UGCG: variants seen among roughly 807,000 people sequenced by gnomAD.
UGCG encodes ceramide glucosyltransferase.
A neutral mutation model predicts 49.5 loss-of-function variants in UGCG; 10 were observed. The ratio of observed to expected loss-of-function variants is 0.20; its 90% CI spans 0.12 to 0.34. The LOEUF is 0.34. Among genes scored for constraint, UGCG ranks in the 10% least tolerant of loss-of-function variants. The pLI, the probability that UGCG is intolerant of heterozygous loss-of-function variation, is 1.00. For synonymous variants in UGCG, 182 were observed against 158.2 expected (o/e 1.15, Z -1.13); for missense variants, 312 against 483.7 (o/e 0.65, Z 3.33).
chr9:111,922,886 C>T lies in UGCG; in HGVS notation c.278C>T (p.Pro93Leu). 1 of 1,612,664 alleles carries T rather than the reference C, an allele frequency of 6.2e-7. No homozygotes were observed. Among genetic ancestry groups the T allele is most frequent in the Non-Finnish European group, 8.5e-7 (1 of 1,179,442 alleles). The change falls in exon 3 of 9, where the codon CCA (proline) becomes CTA (leucine). Residue 93 changes from proline to leucine, a missense_variant. Around this residue, in one of 4 missense-constraint regions of UGCG, gnomAD observed 64 missense variants for 67.6 expected, o/e 0.95. Transcript: ENST00000374279. The stretch of plus-strand genomic sequence containing the variant: ...CTTTGTGTACAAGATCATGATGATC[C>T]AGCCATTGATGTATGTAAGAAGCTT... ...VLLCVQDHDD[P>L]AIDVCKKLLG...
At chr9:111,929,045 C>A (rs1447773580) in intron 5 of UGCG, among the ~76,000 whole-genome samples, 3 of 123,046 alleles carry the variant, frequency 2.4e-5, no homozygotes, top group African/African-American at 6.0e-5. Flanking sequence ...TGTGTCCCCT[C>A]CCCACCCCCC....
rs1322789733 is a variant in UGCG, at chr9:111,897,238, T to C, written c.23T>C (p.Leu8Ser). 3 of 1,552,012 alleles carry C rather than the reference T, an allele frequency of 1.9e-6. No homozygotes were observed. The highest frequency in any genetic ancestry group is 1.9e-5 in the Admixed American group (1 of 51,374). MALLDLA[L>S]EGMAVFGFVL... ...GGGATGGCGCTGCTGGACCTGGCCTTGGAGGGAATGGCCGTCTTCGGGTTC... is the reference window on the plus strand; with the variant it reads ...GGGATGGCGCTGCTGGACCTGGCCTCGGAGGGAATGGCCGTCTTCGGGTTC... Residue 8 changes from leucine to serine, a missense_variant, in exon 1 of 9, where the codon TTG becomes TCG. Leu to Ser is a moderately radical substitution (Grantham distance 145). This residue lies in a region of UGCG where 65 missense variants were observed against 74.7 expected (regional missense o/e 0.87). Transcript: ENST00000374279.
intron 2 of UGCG, among the ~76,000 whole-genome samples, chr9:111,920,911 T>G (rs1564202945): frequency 6.8e-6 from 1 of 148,106 alleles, no homozygotes; most frequent in Admixed American, 6.7e-5. Context: ...CGTCGTTTTG[T>G]TTTTTTTTTG....
chr9:111,924,418 G>GAGAA (rs1221823875), intron 3 of UGCG, among the ~76,000 whole-genome samples: 1 of 152,088 alleles, frequency 6.6e-6, no homozygotes, highest in Non-Finnish European at 1.5e-5. Context: ...TACTTTATTT[G>GAGAA]TGGTGAGAAA....
intron 2 of UGCG, among the ~76,000 whole-genome samples, chr9:111,922,227 C>G (rs1838240404): frequency 1.3e-5 from 2 of 152,126 alleles, no homozygotes; most frequent in African/African-American, 2.4e-5. Flanking sequence ...TTCATAGTTA[C>G]AAGGCTAAGC....
At chr9:111,932,133 G>A (rs750891336) in intron 7 of UGCG, 37 bp from the exon 8 acceptor site, 1 of 1,592,742 alleles carries the variant, frequency 6.3e-7, no homozygotes, top group Admixed American at 1.7e-5. Context: ...TTGTAGCCAG[G>A]ATATTGTTTT....
At chr9:111,912,446 G>A (rs548950967) in intron 1 of UGCG, among the ~76,000 whole-genome samples, 1 of 152,158 alleles carries the variant, frequency 6.6e-6, no homozygotes, top group Non-Finnish European at 1.5e-5. Context: ...GGGCATGGTG[G>A]TGCATGCCTG....
At chr9:111,916,965 T>A (rs1296744256) in intron 2 of UGCG, among the ~76,000 whole-genome samples, 1 of 151,452 alleles carries the variant, frequency 6.6e-6, no homozygotes, top group Non-Finnish European at 1.5e-5. Context: ...GGCAACACAG[T>A]GAGACCCCCA....
chr9:111,907,401 A>G, intron 1 of UGCG, among the ~76,000 whole-genome samples: 1 of 152,228 alleles, frequency 6.6e-6, no homozygotes, highest in Non-Finnish European at 1.5e-5. Flanking sequence ...TGCATATTCC[A>G]GAAACCAAGA....
chr9:111,897,008 G>A lies in UGCG; in HGVS notation c.-208G>A. On this transcript the variant is annotated 5_prime_UTR_variant, in exon 1 of 9. Coordinates refer to ENST00000374279, the MANE Select transcript of UGCG (RefSeq NM_003358.3). Reference sequence around the variant, plus strand: ...ACCCGCAGCCGCCCGCGAGCGCGCCGAAGACAGCGCGCAGGCGAGAGCGCG... The same window carrying A: ...ACCCGCAGCCGCCCGCGAGCGCGCCAAAGACAGCGCGCAGGCGAGAGCGCG... 3.7e-6 allele frequency: 1 copy of A among 272,730 alleles called. No homozygotes were observed. The highest frequency in any genetic ancestry group is 6.5e-6 in the Non-Finnish European group (1 of 152,778). 16.9% of individuals were successfully genotyped at this position (272,730 alleles called of 1,614,324 possible).
At position 111,933,165 on chromosome 9, in the gene UGCG, A is replaced by C. The variant is rs1161160187; in HGVS notation, c.*168A>C. On this transcript the variant is annotated 3_prime_UTR_variant, in exon 9 of 9. Coordinates refer to ENST00000374279, the MANE Select transcript of UGCG (RefSeq NM_003358.3). ...CTTGCATCTGTGAAAAAAAAAAAAA[A>C]CACATCTGTAGTCTTGGCCAAATGA... 6 of 565,462 alleles carry C rather than the reference A, an allele frequency of 1.1e-5. No individual in the cohort carries two copies. The East Asian group carries it at 1.1e-4, about 11-fold the overall frequency. The allele number at this position is 565,462 out of a possible 1,614,324, so 35.0% of individuals were successfully genotyped here. A position where few individuals can be genotyped will look rare whatever the true frequency, so the allele number is the denominator to read the frequency against.
intron 1 of UGCG, among the ~76,000 whole-genome samples, chr9:111,908,927 A>C (rs1465264672): frequency 6.6e-6 from 1 of 152,182 alleles, no homozygotes; most frequent in Non-Finnish European, 1.5e-5. Flanking sequence ...AATTGATCAC[A>C]GTGCCCTCCC....
At chr9:111,899,220 A>G (rs1029785341) in intron 1 of UGCG, among the ~76,000 whole-genome samples, 1 of 152,252 alleles carries the variant, frequency 6.6e-6, no homozygotes, top group African/African-American at 2.4e-5. Context: ...CGAAAGAGGA[A>G]TTATTGGGCC....
At chr9:111,912,451 T>A (rs1838029291) in intron 1 of UGCG, among the ~76,000 whole-genome samples, 1 of 151,974 alleles carries the variant, frequency 6.6e-6, no homozygotes. Context: ...TGGTGGTGCA[T>A]GCCTGTAATC....
chr9:111,900,372 G>T (rs747919384), intron 1 of UGCG, among the ~76,000 whole-genome samples: 9 of 151,986 alleles, frequency 5.9e-5, no homozygotes, highest in Non-Finnish European at 1.3e-4. Context: ...TTTATCTTTC[G>T]ACTGGAGGTG....
chr9:111,918,011 AT>A lies in UGCG; in HGVS notation c.240+3274del, dbSNP rs34969837. 5.3e-5 allele frequency among the ~76,000 whole-genome samples: 8 copies of A among 150,920 alleles called. No individual in the cohort carries two copies. In the East Asian group the frequency reaches 9.7e-4, roughly 18 times the overall value. Reference sequence around the variant, plus strand: ...TAACAGTGAACCTGTCATAACTATGATTTTTTTTTCTTTTTTGCAATTATAG... The same window carrying A: ...TAACAGTGAACCTGTCATAACTATGATTTTTTTTCTTTTTTGCAATTATAG... On this transcript the variant is annotated intron_variant, in intron 2 of 8. Transcript: ENST00000374279.
Position 111,914,647 on chromosome 9 carries a change from T to C in UGCG, c.141T>C (p.Tyr47=), listed in dbSNP as rs370538898. Residue 47 remains tyrosine, a synonymous_variant, in exon 2 of 9, where the codon TAT becomes TAC. Coordinates refer to ENST00000374279, the MANE Select transcript of UGCG (RefSeq NM_003358.3). ...AGAAGGCAACTGACAAACAGCCTTA[T>C]AGCAAGCTCCCAGGTGTCTCTCTTC... ...LNKKATDKQP[Y]SKLPGVSLLK... 3 of 1,614,048 alleles carry C rather than the reference T, an allele frequency of 1.9e-6. No homozygotes were observed. Among genetic ancestry groups the C allele is most frequent in the Admixed American group, 1.7e-5 (1 of 60,010 alleles).
chr9:111,932,087 A>T, intron 7 of UGCG, 83 bp from the exon 8 acceptor site: 1 of 1,431,116 alleles, frequency 7.0e-7, no homozygotes, highest in Non-Finnish European at 9.5e-7. Flanking sequence ...AGGGTAAAAA[A>T]ATTGATTATT....
chr9:111,914,217 G>A (rs532469703), intron 1 of UGCG, among the ~76,000 whole-genome samples: 11 of 152,232 alleles, frequency 7.2e-5, no homozygotes, highest in South Asian at 2.1e-4. Context: ...AAATGCCTGC[G>A]CTATGCCTGG....
Sources: allele counts gnomAD v4.1 joint callset (sites outside exome capture counted in the v4.1 genomes callset), GRCh38; gene constraint gnomAD v4.1.1; regional missense constraint gnomAD v4.1.1; transcripts MANE v1.5; gene names NCBI Gene and HGNC (gene_info 2026-07-23, HGNC 2026-07-21).